The following NBR1 variants were observed in gnomAD, a reference collection of about 807,000 sequenced individuals.
NBR1 encodes next to BRCA1 gene 1 protein.
In NBR1, 59 loss-of-function variants were observed where a neutral mutation model predicts 115.5. The ratio of observed to expected loss-of-function variants is 0.51; its 90% confidence interval spans 0.41 to 0.63. NBR1 has a LOEUF of 0.63. Among genes scored for constraint, NBR1 ranks in the 30% least tolerant of loss-of-function variants. The probability of loss-of-function intolerance (pLI) is 0.00; values close to 1 mark genes in which losing one functional copy is unlikely to be tolerated. For synonymous variants in NBR1, 373 were observed against 414.7 expected, an observed-to-expected ratio of 0.90 and a Z score of 1.22; for missense variants, 1,043 against 1,150.5, an observed-to-expected ratio of 0.91 and a Z score of 1.35.
At chr17:43,185,422 A>G (rs1008010942) in intron 5 of NBR1, among the ~76,000 whole-genome samples, 2 of 152,078 alleles carry the variant, frequency 1.3e-5, no homozygotes, top group African/African-American at 2.4e-5. Flanking sequence ...AAAGTTAGCC[A>G]GGTATGGTGG....
intron 12 of NBR1, 134 bp from the exon 13 acceptor site, chr17:43,194,216 G>A (rs966730459): frequency 2.3e-6 from 2 of 861,916 alleles, no homozygotes; most frequent in Non-Finnish European, 3.5e-6. Flanking sequence ...TTCTATAACT[G>A]TAAAAATATA....
intron 20 of NBR1, among the ~76,000 whole-genome samples, chr17:43,206,263 T>C (rs572151152): frequency 6.6e-6 from 1 of 152,088 alleles, no homozygotes; most frequent in South Asian, 2.1e-4. Flanking sequence ...TTAAGGCTAA[T>C]TAATAGGAGG....
At chr17:43,199,183 C>G (rs2057138184) in intron 16 of NBR1, among the ~76,000 whole-genome samples, 1 of 151,848 alleles carries the variant, frequency 6.6e-6, no homozygotes, top group East Asian at 1.9e-4. Flanking sequence ...CCTGGGGTCC[C>G]CCTACCTCTG....
At chr17:43,209,862 ATTTT>A (rs11322550) in intron 20 of NBR1, 35 bp from the exon 21 acceptor site, 574 of 1,365,372 alleles carry the variant, frequency 4.2e-4, no homozygotes, top group South Asian at 2.4e-3. Flanking sequence ...ATTATACAGA[ATTTT>A]TTTTTTTTTT....
At chr17:43,189,921 A>G (rs2056902743) in intron 8 of NBR1, 119 bp downstream of exon 8, 3 of 840,716 alleles carry the variant, frequency 3.6e-6, no homozygotes, top group East Asian at 2.4e-5. Flanking sequence ...TAGATGTTGT[A>G]GCTGTGAGTT....
upstream of NBR1, chr17:43,170,599 G>C (rs1413571247): frequency 6.5e-6 from 1 of 152,866 alleles, no homozygotes; most frequent in Non-Finnish European, 1.5e-5. Context: ...CCTAATGGAG[G>C]TCTCCAGTTT....
intron 20 of NBR1, among the ~76,000 whole-genome samples, chr17:43,206,790 C>G (rs931983907): frequency 2.6e-5 from 4 of 151,688 alleles, no homozygotes; most frequent in Non-Finnish European, 5.9e-5. Context: ...AGGCTGGGCA[C>G]GGTGGCTCAC....
rs1013596009 is a variant in NBR1 at position 43,200,583 on chromosome 17, G to A, written c.2443G>A (p.Val815Met). 11 of 1,607,730 alleles carry A rather than the reference G, an allele frequency of 6.8e-6. No individual in the cohort carries two copies. The African/African-American group carries it at 1.1e-4, about 16-fold the overall frequency. The change falls in exon 17 of 21, where the codon GTG becomes ATG. Residue 815 changes from valine (V) to methionine (M), a missense_variant. Coordinates refer to ENST00000590996, the MANE Select transcript of NBR1 (RefSeq NM_005899.5). Reference sequence around the variant, plus strand: ...AACAGTGCCCCTAATCCCAGAGGTAGTGGAGCTTCCACCGTCACTGCCCAG... The same window carrying A: ...AACAGTGCCCCTAATCCCAGAGGTAATGGAGCTTCCACCGTCACTGCCCAG... ...LETVPLIPEV[V>M]ELPPSLPRSS...
upstream of NBR1, chr17:43,170,684 C>G (rs1210764863): frequency 1.3e-5 from 2 of 152,274 alleles, no homozygotes; most frequent in Non-Finnish European, 2.9e-5. Context: ...AACGAAAGGC[C>G]TTGGCCACAC....
At chr17:43,197,347 A>G (rs1007793782) in intron 16 of NBR1, among the ~76,000 whole-genome samples, 2 of 152,064 alleles carry the variant, frequency 1.3e-5, no homozygotes, top group Non-Finnish European at 2.9e-5. Flanking sequence ...GTGAAATCCC[A>G]TCTCTACTAA....
At position 43,190,763 on chromosome 17, in the gene NBR1, C is replaced by A. The variant is rs1359222696; in HGVS notation, c.850C>A (p.Leu284Met). The change falls in exon 9 of 21, where the codon CTG (leucine) becomes ATG (methionine). Residue 284 changes from leucine (L) to methionine (M), a missense_variant. Physicochemically the swap from Leu to Met is conservative, Grantham distance 15 (BLOSUM62 2). Transcript: ENST00000590996. ...KYSTPRLPAA[L>M]EQVRLQKQVD... is the part of the protein sequence containing the mutation. ...CTCTACTCCTCGTCTTCCTGCTGCT[C>A]TGGAACAAGTCAGGTAAAACCCTCT... The A allele has an allele frequency of 6.2e-7, 1 of 1,603,216 alleles. No individual in the cohort carries two copies. Among genetic ancestry groups the A allele is most frequent in the Non-Finnish European group, 8.5e-7 (1 of 1,173,226 alleles).
chr17:43,175,495 C>A (rs2056488890), intron 1 of NBR1, among the ~76,000 whole-genome samples: 2 of 152,188 alleles, frequency 1.3e-5, no homozygotes, highest in African/African-American at 4.8e-5. Context: ...ACTTCTGTTT[C>A]CACATGTTTC....
Position 43,179,403 on chromosome 17 carries a change from A to G in NBR1, c.175A>G (p.Asn59Asp), listed in dbSNP as rs1220681207. ...LDEENEEVSI[N>D]SQGEYEEALK... is the part of the protein sequence containing the mutation. The stretch of plus-strand genomic sequence containing the variant: ...TTTTTTCCTTTTATAGGTATCCATC[A>G]ACAGTCAAGGTGAGTCCCTAAGAGA... Residue 59 changes from asparagine (N) to aspartate (D), a missense_variant, in exon 4 of 21, where the codon AAC becomes GAC. By Grantham distance (23) the Asn-to-Asp change is conservative. Coordinates refer to ENST00000590996, the MANE Select transcript of NBR1 (RefSeq NM_005899.5). 3 of 1,613,140 alleles carry G rather than the reference A, an allele frequency of 1.9e-6. No homozygotes were observed. The highest frequency in any genetic ancestry group is 2.2e-5 in the South Asian group (2 of 91,034).
chr17:43,189,640 A>G lies in NBR1; in HGVS notation c.533A>G (p.His178Arg). Residue 178 changes from histidine (H) to arginine (R), a missense_variant, in exon 8 of 21, where the codon CAT (histidine) becomes CGT (arginine). By Grantham distance (29) the His-to-Arg change is conservative (BLOSUM62 0). Coordinates refer to ENST00000590996, the MANE Select transcript of NBR1 (RefSeq NM_005899.5). ...ETVEKLEQKL[H>R]EKLVLQNPSL... Reference sequence around the variant, plus strand: ...GTTGAGAAGCTTGAACAGAAATTACATGAAAAGCTTGTCCTCCAGAACCCA... The same window carrying G: ...GTTGAGAAGCTTGAACAGAAATTACGTGAAAAGCTTGTCCTCCAGAACCCA... 6.2e-7 allele frequency: 1 copy of G among 1,614,032 alleles called. No individual in the cohort carries two copies. Among genetic ancestry groups the G allele is most frequent in the Non-Finnish European group, 8.5e-7 (1 of 1,179,882 alleles).
intron 20 of NBR1, among the ~76,000 whole-genome samples, chr17:43,205,345 C>T (rs560300831): frequency 3.9e-5 from 6 of 152,126 alleles, no homozygotes; most frequent in African/African-American, 7.2e-5. Context: ...CAGAGTGAGA[C>T]TCCATCTCAA....
At chr17:43,200,657 AAG>A in intron 17 of NBR1, 49 bp downstream of exon 17, 5 of 1,513,918 alleles carry the variant, frequency 3.3e-6, no homozygotes, top group Non-Finnish European at 4.5e-6. Context: ...AGGTGAAATA[AAG>A]AGAGGAATCG....
intron 20 of NBR1, among the ~76,000 whole-genome samples, chr17:43,204,967 C>G (rs143879842): frequency 6.6e-6 from 1 of 151,954 alleles, no homozygotes; most frequent in Admixed American, 6.6e-5. Flanking sequence ...CTGAGCGAGA[C>G]CCTGTCTCAA....
intron 5 of NBR1, among the ~76,000 whole-genome samples, chr17:43,183,938 G>A (rs1050997076): frequency 6.6e-6 from 1 of 152,144 alleles, no homozygotes; most frequent in Non-Finnish European, 1.5e-5. Flanking sequence ...GGTATAACAG[G>A]TGTGAGCCAC....
chr17:43,180,433 A>G (rs1312989821), intron 4 of NBR1, among the ~76,000 whole-genome samples: 2 of 152,200 alleles, frequency 1.3e-5, no homozygotes, highest in African/African-American at 2.4e-5. Context: ...TTATAATCTT[A>G]TGGGATCACC....
Sources: allele counts gnomAD v4.1 joint callset (sites outside exome capture counted in the v4.1 genomes callset), GRCh38; gene constraint gnomAD v4.1.1; transcripts MANE v1.5; gene names NCBI Gene and HGNC (gene_info 2026-07-23, HGNC 2026-07-21).